The following TCP1 variants were observed in gnomAD, a reference collection of about 807,000 sequenced individuals.
The protein encoded by TCP1 is T-complex protein 1 subunit alpha.
A neutral mutation model predicts 54.7 loss-of-function variants in TCP1; 6 were observed. The observed-to-expected ratio is 0.11, with a 90% CI of 0.06 to 0.22. The LOEUF is 0.22. Among genes scored for constraint, TCP1 ranks in the 10% least tolerant of loss-of-function variants. The pLI is 1.00. For missense variants in TCP1, 511 were observed against 678.2 expected, an observed-to-expected ratio of 0.75 and a Z score of 2.74; for synonymous variants, 225 against 229.7, an observed-to-expected ratio of 0.98 and a Z score of 0.19.
Position 159,784,807 on chromosome 6 carries a change from G to A in TCP1, c.529C>T (p.Leu177Phe). Residue 177 changes from leucine to phenylalanine, a missense_variant, in exon 6 of 12, where the codon CTT (leucine) becomes TTT (phenylalanine). Physicochemically the swap from Leu to Phe is conservative, Grantham distance 22. Coordinates refer to ENST00000321394, the MANE Select transcript of TCP1 (RefSeq NM_030752.3). ...FFANMVVDAV[L>F]AIKYTDIRGQ... The stretch of plus-strand genomic sequence containing the variant: ...CTTATGTCTGTGTATTTAATAGCAA[G>A]TACAGCATCTACTACCATGTTAGCA... The A allele has an allele frequency of 6.2e-7, 1 of 1,614,098 alleles. No individual in the cohort carries two copies.
intron 7 of TCP1, among the ~76,000 whole-genome samples, chr6:159,782,393 G>C (rs1476676229): frequency 6.6e-6 from 1 of 152,098 alleles, no homozygotes; most frequent in Non-Finnish European, 1.5e-5. Context: ...AATACAGGAA[G>C]TTACAACAGA....
At chr6:159,780,349 CTG>C (rs1310256880) in intron 9 of TCP1, 92 bp downstream of exon 9, 7 of 1,569,384 alleles carry the variant, frequency 4.5e-6, no homozygotes, top group South Asian at 1.1e-5. Flanking sequence ...GCTCGTATCA[CTG>C]TGAGACTACA....
intron 7 of TCP1, among the ~76,000 whole-genome samples, chr6:159,782,707 T>C (rs962325968): frequency 1.2e-4 from 18 of 152,168 alleles, no homozygotes; most frequent in African/African-American, 3.9e-4. Flanking sequence ...AGCATTCTAC[T>C]AGATAGAGGT....
At position 159,779,900 on chromosome 6, in the gene TCP1, T is replaced by C; in HGVS notation, c.1285A>G (p.Ser429Gly). The C allele has an allele frequency of 6.2e-7, 1 of 1,614,046 alleles. No individual in the cohort carries two copies. Among genetic ancestry groups the C allele is most frequent in the Non-Finnish European group, 8.5e-7 (1 of 1,180,006 alleles). The change falls in exon 10 of 12, where the codon AGC (serine) becomes GGC (glycine). Residue 429 changes from serine (S) to glycine (G), a missense_variant. Coordinates refer to ENST00000321394, the MANE Select transcript of TCP1 (RefSeq NM_030752.3). Reference sequence around the variant, plus strand: ...CAAGAAATGACTGTTCTTACCATGCTGGTTGCATAGTTTTCAAGGTATATG... The same window carrying C: ...CAAGAAATGACTGTTCTTACCATGCCGGTTGCATAGTTTTCAAGGTATATG... Reference protein sequence around the residue: ...LSIYLENYATSMGSREQLAIA... With the variant: ...LSIYLENYATGMGSREQLAIA...
At chr6:159,780,132 ATTTT>A in intron 9 of TCP1, 45 bp from the exon 10 acceptor site, 1 of 1,569,600 alleles carries the variant, frequency 6.4e-7, no homozygotes, top group Non-Finnish European at 8.6e-7. Flanking sequence ...ATTTTTAAAA[ATTTT>A]TTTTTGCCAA....
intron 3 of TCP1, among the ~76,000 whole-genome samples, chr6:159,786,560 G>A (rs1007605734): frequency 5.9e-5 from 9 of 152,152 alleles, no homozygotes; most frequent in African/African-American, 2.2e-4. Flanking sequence ...ATTTAAAAAA[G>A]ATAGTTCTTC....
rs746288359 is a variant in TCP1 at position 159,789,515 on chromosome 6, C to T, written c.-47G>A. The T allele has an allele frequency of 8.7e-6, 14 of 1,611,114 alleles. No homozygotes were observed. The Middle Eastern group carries it at 6.6e-4, about 76-fold the overall frequency. ...CGAATTCTGCTTACACCGCGGGCAA[C>T]CAGTATCGCGGCCCCTCGGCCGACC... On this transcript the variant is annotated 5_prime_UTR_variant, in exon 1 of 12. Coordinates refer to ENST00000321394, the MANE Select transcript of TCP1 (RefSeq NM_030752.3).
Position 159,780,057 on chromosome 6 carries a change from G to A in TCP1, c.1128C>T (p.Ile376=). Residue 376 remains isoleucine, a synonymous_variant, in exon 10 of 12, where the codon ATC becomes ATT. Coordinates refer to ENST00000321394, the MANE Select transcript of TCP1 (RefSeq NM_030752.3). Reference sequence around the variant, plus strand: ...ACATGAAATCATTTGCCCCACGTAAGATAATCGATGCAGACGTACGAGCCT... The same window carrying A: ...ACATGAAATCATTTGCCCCACGTAAAATAATCGATGCAGACGTACGAGCCT... ...NTKARTSASI[I]LRGANDFMCD... 1.2e-6 allele frequency: 2 copies of A among 1,614,110 alleles called. No homozygotes were observed. Among genetic ancestry groups the A allele is most frequent in the South Asian group, 1.1e-5 (1 of 91,078 alleles).
Position 159,779,794 on chromosome 6 carries a change from G to C in TCP1, c.1291-4C>G. On this transcript the variant is annotated splice_region_variant and splice_polypyrimidine_tract_variant and intron_variant, in intron 10 of 11. Coordinates refer to ENST00000321394, the MANE Select transcript of TCP1 (RefSeq NM_030752.3). Reference sequence around the variant, plus strand: ...TCGCAAGCTGTTCCCGAGACCCCTAGGAAAAGAAGAAAATTAGGTGACTTC... The same window carrying C: ...TCGCAAGCTGTTCCCGAGACCCCTACGAAAAGAAGAAAATTAGGTGACTTC... 7.6e-6 allele frequency: 12 copies of C among 1,588,704 alleles called. No individual in the cohort carries two copies. The highest frequency in any genetic ancestry group is 1.0e-5 in the Non-Finnish European group (12 of 1,172,890).
chr6:159,786,045 G>C lies in TCP1; in HGVS notation c.280-48C>G. 3 of 1,439,084 alleles carry C rather than the reference G, an allele frequency of 2.1e-6. No homozygotes were observed. In the African/African-American group the frequency reaches 4.2e-5, roughly 20 times the overall value. 89.1% of individuals were successfully genotyped at this position (1,439,084 alleles called of 1,614,324 possible). On this transcript the variant is annotated intron_variant, in intron 3 of 11. Coordinates refer to ENST00000321394, the MANE Select transcript of TCP1 (RefSeq NM_030752.3). ...TCTGAGTGTGCCGGATATTCAACAT[G>C]TGCAATACATATGGAATGACACTAA...
intron 5 of TCP1, 80 bp from the exon 6 acceptor site, chr6:159,784,927 G>C (rs943316941): frequency 2.1e-5 from 29 of 1,401,578 alleles, no homozygotes; most frequent in African/African-American, 1.7e-4. Context: ...TAATTTCAAG[G>C]GACTTCCTTT....
intron 3 of TCP1, among the ~76,000 whole-genome samples, chr6:159,787,438 C>T (rs1562485190): frequency 6.6e-6 from 1 of 152,132 alleles, no homozygotes; most frequent in Non-Finnish European, 1.5e-5. Context: ...GCCCTCAAAA[C>T]TTGTGAATAC....
In TCP1 at chr6:159,779,071, C is replaced by T. The variant is rs757318014; in HGVS notation, c.1645G>A (p.Val549Ile). Residue 549 changes from valine to isoleucine, a missense_variant, in exon 12 of 12, where the codon GTT becomes ATT. This residue lies in a region of TCP1 where 29 missense variants were observed against 27.7 expected (regional missense o/e 1.05). Coordinates refer to ENST00000321394, the MANE Select transcript of TCP1 (RefSeq NM_030752.3). ...DDKHGSYEDA[V>I]HSGALND ...CAATCATTAAGGGCTCCAGAGTGAA[C>T]AGCATCTTCATAACTTCCATGTTTA... 1.2e-6 allele frequency: 2 copies of T among 1,613,956 alleles called. No individual in the cohort carries two copies. Among genetic ancestry groups the T allele is most frequent in the South Asian group, 1.1e-5 (1 of 91,080 alleles).
At chr6:159,785,873 A>C (rs369632725) in intron 4 of TCP1, 27 bp downstream of exon 4, 1 of 1,590,930 alleles carries the variant, frequency 6.3e-7, no homozygotes, top group African/African-American at 1.3e-5. Flanking sequence ...CATCAAAAAA[A>C]ATTTCTCTGA....
In TCP1 at chr6:159,787,801, A is replaced by C. The variant is rs1217470635; in HGVS notation, c.221T>G (p.Val74Gly). ...TTGCAGATCAGCCAGCTCACAAAGA[A>C]CTTTAGCTGCAGGATGTTCTACCTC... ...LLEVEHPAAK[V>G]LCELADLQDK... The change falls in exon 3 of 12, where the codon GTT becomes GGT. Residue 74 changes from valine to glycine, a missense_variant. Around this residue, in one of 5 missense-constraint regions of TCP1, gnomAD observed 54 missense variants for 111.8 expected, o/e 0.48. Transcript: ENST00000321394. The C allele has an allele frequency of 6.2e-7, 1 of 1,614,150 alleles. No individual in the cohort carries two copies. The highest frequency in any genetic ancestry group is 2.2e-5 in the East Asian group (1 of 44,878).
At chr6:159,783,836 A>G in intron 7 of TCP1, 105 bp downstream of exon 7, 1 of 1,450,714 alleles carries the variant, frequency 6.9e-7, no homozygotes, top group East Asian at 2.3e-5. Flanking sequence ...TAAAAACACC[A>G]CCAGGCTAAT....
At chr6:159,785,308 C>A in intron 5 of TCP1, 78 bp downstream of exon 5, 1 of 1,094,280 alleles carries the variant, frequency 9.1e-7, no homozygotes, top group South Asian at 1.3e-5. Flanking sequence ...GCTGGGACTA[C>A]AGGCACATAC....
At chr6:159,785,334 A>G in intron 5 of TCP1, 52 bp downstream of exon 5, 1 of 1,400,992 alleles carries the variant, frequency 7.1e-7, no homozygotes, top group South Asian at 1.1e-5. Context: ...TGCCCATCTC[A>G]AAGTCTTATG....
chr6:159,784,802 A>T lies in TCP1; in HGVS notation c.534T>A (p.Ala178=). Residue 178 remains alanine, a synonymous_variant, in exon 6 of 12, where the codon GCT becomes GCA. Transcript: ENST00000321394. ...GGCCTCTTATGTCTGTGTATTTAAT[A>T]GCAAGTACAGCATCTACTACCATGT... ...FANMVVDAVL[A]IKYTDIRGQP... is the part of the protein sequence containing the mutation. The T allele has an allele frequency of 3.1e-6, 5 of 1,614,178 alleles. No homozygotes were observed. Among genetic ancestry groups the T allele is most frequent in the Non-Finnish European group, 4.2e-6 (5 of 1,180,036 alleles).
Sources: allele counts gnomAD v4.1 joint callset (sites outside exome capture counted in the v4.1 genomes callset), GRCh38; gene constraint gnomAD v4.1.1; regional missense constraint gnomAD v4.1.1; transcripts MANE v1.5; gene names NCBI Gene and HGNC (gene_info 2026-07-23, HGNC 2026-07-21).